The following CACNA1I variants were observed in gnomAD, a reference collection of about 807,000 sequenced individuals.
The protein encoded by CACNA1I is calcium voltage-gated channel subunit alpha1 I.
Under a neutral mutation model 201.6 loss-of-function variants are expected in CACNA1I, and 74 were observed. That is an observed-to-expected ratio of 0.37 (90% confidence interval 0.30 to 0.45). CACNA1I has a LOEUF of 0.45. Among genes scored for constraint, CACNA1I ranks in the 20% least tolerant of loss-of-function variants. The pLI is 1.00. For synonymous variants in CACNA1I, 1,431 were observed against 1,345.2 expected (o/e 1.06, Z -1.40); for missense variants, 2,346 against 3,138.1 (o/e 0.75, Z 6.03).
At chr22:39,622,879 C>T (rs927841268) in intron 4 of CACNA1I, among the ~76,000 whole-genome samples, 3 of 151,974 alleles carry the variant, frequency 2.0e-5, no homozygotes, top group South Asian at 2.1e-4. Context: ...TGGGGGACGG[C>T]GGGGGCTGCC....
At position 39,645,699 on chromosome 22, in the gene CACNA1I, C is replaced by T. The variant is rs1934468124; in HGVS notation, c.1150-870C>T. ...CACCTCCAAGGGGGATGAAAGCTATCTGCTCAGGCTGGCCGGCAGCCAAGT... is the reference window on the plus strand; with the variant it reads ...CACCTCCAAGGGGGATGAAAGCTATTTGCTCAGGCTGGCCGGCAGCCAAGT... On this transcript the variant is annotated intron_variant, in intron 7 of 36. Transcript: ENST00000402142. Among the ~76,000 whole-genome samples the T allele has an allele frequency of 2.0e-5, 3 of 152,216 alleles. No homozygotes were observed. In the South Asian group the frequency reaches 6.2e-4, roughly 31 times the overall value.
At chr22:39,683,025 T>C (rs1013544549) in intron 35 of CACNA1I, among the ~76,000 whole-genome samples, 3 of 152,128 alleles carry the variant, frequency 2.0e-5, no homozygotes, top group African/African-American at 7.2e-5. Context: ...TAGAGCTGAA[T>C]TTGAGAGGTG....
chr22:39,681,186 G>GAA, intron 34 of CACNA1I, 134 bp downstream of exon 34: 1 of 1,034,194 alleles, frequency 9.7e-7, no homozygotes, highest in South Asian at 1.8e-5. Context: ...TTCATCTCCT[G>GAA]TTGGACAGAT....
At chr22:39,580,555 T>C (rs980937347) in intron 1 of CACNA1I, among the ~76,000 whole-genome samples, 4 of 152,110 alleles carry the variant, frequency 2.6e-5, no homozygotes, top group African/African-American at 7.2e-5. Flanking sequence ...GCTGTATAAA[T>C]AGGAATTTTC....
chr22:39,590,909 G>A (rs1401022421), intron 1 of CACNA1I, among the ~76,000 whole-genome samples: 1 of 152,170 alleles, frequency 6.6e-6, no homozygotes, highest in Non-Finnish European at 1.5e-5. Flanking sequence ...GAAGTGGCTT[G>A]ATCTTGGCTC....
rs761624878 is a variant in CACNA1I at position 39,658,318 on chromosome 22, A to T, written c.2144+15A>T. 6.2e-7 allele frequency: 1 copy of T among 1,611,000 alleles called. No individual in the cohort carries two copies. The highest frequency in any genetic ancestry group is 1.7e-5 in the Admixed American group (1 of 59,798). On this transcript the variant is annotated intron_variant, in intron 11 of 36. Transcript: ENST00000402142. ...GTCATCATCAGGTACCCCTCCCCCA[A>T]CCCACCCGGCAGCAGAGTGCCTCGG...
rs1035921825 is a variant in CACNA1I, at chr22:39,644,800, C to T, written c.1150-1769C>T. 3.9e-5 allele frequency among the ~76,000 whole-genome samples: 6 copies of T among 152,070 alleles called. No individual in the cohort carries two copies. In the South Asian group the frequency reaches 1.2e-3, roughly 32 times the overall value. On this transcript the variant is annotated intron_variant, in intron 7 of 36. Coordinates refer to ENST00000402142, the MANE Select transcript of CACNA1I (RefSeq NM_021096.4). ...TCTCCTGGGCTCAAGCGATCATCCC[C>T]CCTCAGCTTCCTGAGTAGCTGGGAC...
chr22:39,664,244 C>T (rs1935113060), intron 20 of CACNA1I, 85 bp downstream of exon 20: 4 of 1,107,546 alleles, frequency 3.6e-6, no homozygotes, highest in South Asian at 2.7e-5. Context: ...GCTTGTCACT[C>T]GCCTGCCATC....
At chr22:39,683,594 C>T (rs1935763895) in intron 35 of CACNA1I, among the ~76,000 whole-genome samples, 1 of 152,308 alleles carries the variant, frequency 6.6e-6, no homozygotes, top group African/African-American at 2.4e-5. Flanking sequence ...CATAGGAACC[C>T]CAGCCAGGAC....
chr22:39,646,220 C>T (rs1934481328), intron 7 of CACNA1I, among the ~76,000 whole-genome samples: 1 of 152,022 alleles, frequency 6.6e-6, no homozygotes, highest in African/African-American at 2.4e-5. Flanking sequence ...GGCCCCTCCA[C>T]CTCCCCTGCC....
At chr22:39,663,308 G>T (rs544304778) in intron 18 of CACNA1I, among the ~76,000 whole-genome samples, 1 of 152,200 alleles carries the variant, frequency 6.6e-6, no homozygotes, top group Non-Finnish European at 1.5e-5. Flanking sequence ...GGAGGAGGAG[G>T]CCTTTGTGCT....
At position 39,658,139 on chromosome 22, in the gene CACNA1I, CA is replaced by C. The variant is rs1474863869; in HGVS notation, c.1993-11del. 6.2e-7 allele frequency: 1 copy of C among 1,613,324 alleles called. No individual in the cohort carries two copies. Among genetic ancestry groups the C allele is most frequent in the Non-Finnish European group, 8.5e-7 (1 of 1,179,546 alleles). On this transcript the variant is annotated splice_polypyrimidine_tract_variant and intron_variant, in intron 10 of 36. Transcript: ENST00000402142. Reference sequence around the variant, plus strand: ...CTGACCGGGTCTCCATTCCCCACCCCAATGCCCCACAGCCGGAGGAGCTGAC... The same window carrying C: ...CTGACCGGGTCTCCATTCCCCACCCCATGCCCCACAGCCGGAGGAGCTGAC...
rs1275948359 is a variant in CACNA1I at position 39,664,083 on chromosome 22, G to A, written c.3598-8G>A. On this transcript the variant is annotated splice_polypyrimidine_tract_variant and splice_region_variant and intron_variant, in intron 19 of 36. Transcript: ENST00000402142. ...CCCTGAGCCTATGGTATCTCCCGATGCTTTCAGGAACGCATCTTTCTCACC... is the reference window on the plus strand; with the variant it reads ...CCCTGAGCCTATGGTATCTCCCGATACTTTCAGGAACGCATCTTTCTCACC... The A allele has an allele frequency of 6.2e-7, 1 of 1,613,334 alleles. No homozygotes were observed. Among genetic ancestry groups the A allele is most frequent in the Non-Finnish European group, 8.5e-7 (1 of 1,179,476 alleles).
intron 1 of CACNA1I, 70 bp from the exon 2 acceptor site, chr22:39,598,081 A>T (rs954075852): frequency 2.3e-6 from 2 of 853,790 alleles, no homozygotes; most frequent in Non-Finnish European, 3.9e-6. Context: ...TGCGGGTATT[A>T]CACTCTAGGG....
chr22:39,586,883 C>T (rs980023782), intron 1 of CACNA1I, among the ~76,000 whole-genome samples: 5 of 152,198 alleles, frequency 3.3e-5, no homozygotes, highest in Admixed American at 3.3e-4. Flanking sequence ...GAGGAGGCAT[C>T]TGCAGCCCCT....
chr22:39,598,093 G>A lies in CACNA1I; in HGVS notation c.237-58G>A. On this transcript the variant is annotated intron_variant, in intron 1 of 36. Transcript: ENST00000402142. ...GGTTGCGGGTATTACACTCTAGGGTGCACCCCAGCCCCCACGGGCGATCCC... is the reference window on the plus strand; with the variant it reads ...GGTTGCGGGTATTACACTCTAGGGTACACCCCAGCCCCCACGGGCGATCCC... The A allele has an allele frequency of 4.1e-6, 4 of 983,874 alleles. No individual in the cohort carries two copies. In the South Asian group the frequency reaches 4.2e-5, roughly 10 times the overall value. 60.9% of individuals were successfully genotyped at this position (983,874 alleles called of 1,614,324 possible).
chr22:39,652,856 G>A (rs1032775143), intron 10 of CACNA1I, among the ~76,000 whole-genome samples: 1 of 152,230 alleles, frequency 6.6e-6, no homozygotes, highest in African/African-American at 2.4e-5. Context: ...AGTGATTGGT[G>A]ATTGTGCCAC....
At position 39,686,295 on chromosome 22, in the gene CACNA1I, C is replaced by T; in HGVS notation, c.6562C>T (p.Pro2188Ser). 1.5e-6 allele frequency: 2 copies of T among 1,324,444 alleles called. No homozygotes were observed. The allele number at this position is 1,324,444 out of a possible 1,614,324, so 82.0% of individuals were successfully genotyped here. A position where few individuals can be genotyped will look rare whatever the true frequency, so the allele number is the denominator to read the frequency against. The change falls in exon 37 of 37, where the codon CCC (proline) becomes TCC (serine). Residue 2188 changes from proline to serine, a missense_variant. By Grantham distance (74) the Pro-to-Ser change is moderately conservative. Coordinates refer to ENST00000402142, the MANE Select transcript of CACNA1I (RefSeq NM_021096.4). The part of the protein sequence containing the change: ...PSWAADRSKD[P>S]PGRAPLPMGL... ...GTGGGCCGCGGACCGCAGCAAGGACCCCCCCGGCCGGGCACCGCTGCCCAT... is the reference window on the plus strand; with the variant it reads ...GTGGGCCGCGGACCGCAGCAAGGACTCCCCCGGCCGGGCACCGCTGCCCAT...
At chr22:39,615,210 C>T (rs897165838) in intron 3 of CACNA1I, among the ~76,000 whole-genome samples, 10 of 152,160 alleles carry the variant, frequency 6.6e-5, no homozygotes, top group African/African-American at 2.2e-4. Flanking sequence ...AAAATTGAGA[C>T]GTGGTGCTTA....
Sources: gnomAD v4.1 joint callset for allele counts (sites outside exome capture counted in the v4.1 genomes callset) on GRCh38, gnomAD v4.1.1 for gene constraint, MANE v1.5 for transcripts, NCBI Gene and HGNC (gene_info 2026-07-23, HGNC 2026-07-21) for gene names.